Variants in LRSAM1 observed in about 807,000 individuals in gnomAD.
The protein encoded by LRSAM1 is leucine rich repeat and sterile alpha motif containing 1, also known as E3 ubiquitin-protein ligase LRSAM1.
A neutral mutation model predicts 118.1 loss-of-function variants in LRSAM1; 96 were observed. The observed-to-expected ratio is 0.81, with a 90% CI of 0.69 to 0.96. The LOEUF (loss-of-function observed/expected upper bound fraction) is 0.96, where lower values mean the gene tolerates loss of function less well. Ranked by LOEUF, LRSAM1 falls within the 40% of genes least tolerant of loss-of-function variation. The pLI is 0.00. For synonymous variants in LRSAM1, 322 were observed against 364.2 expected (o/e 0.88, Z 1.32); for missense variants, 804 against 915.5 (o/e 0.88, Z 1.57).
In LRSAM1 at chr9:127,495,958, T is replaced by C; in HGVS notation, c.1699-6T>C. ...CCTGCTCATGGTACACGTTTCTGTC[T>C]TGCAGGAAGAGGGGATGGAGCGCCA... On this transcript the variant is annotated splice_region_variant and splice_polypyrimidine_tract_variant and intron_variant, in intron 22 of 25. Transcript: ENST00000300417. The C allele has an allele frequency of 6.2e-7, 1 of 1,612,614 alleles. No homozygotes were observed. Among genetic ancestry groups the C allele is most frequent in the Non-Finnish European group, 8.5e-7 (1 of 1,179,896 alleles).
chr9:127,478,872 C>T, intron 11 of LRSAM1, 62 bp from the exon 12 acceptor site: 9 of 1,559,640 alleles, frequency 5.8e-6, no homozygotes, highest in Non-Finnish European at 8.0e-6. Flanking sequence ...GTTCCTGGTG[C>T]CCATGCCAGG....
In LRSAM1 at chr9:127,483,009, G is replaced by A. The variant is rs1588124019; in HGVS notation, c.1148G>A (p.Arg383His). The part of the protein sequence containing the change: ...TQEETESLRR[R>H]DVASAMQQML... The stretch of plus-strand genomic sequence containing the variant: ...GAGGAGACTGAGAGCCTGCGGCGAC[G>A]TGACGTTGCCTGTGAGTTTTGGGAT... Residue 383 changes from arginine to histidine, a missense_variant, in exon 16 of 26, where the codon CGT becomes CAT. Transcript: ENST00000300417. The A allele has an allele frequency of 1.2e-5, 19 of 1,601,386 alleles. No individual in the cohort carries two copies. The highest frequency in any genetic ancestry group is 1.7e-5 in the Admixed American group (1 of 57,516).
chr9:127,451,779 G>T (rs886063451), intron 1 of LRSAM1, 110 bp downstream of exon 1: 4 of 177,042 alleles, frequency 2.3e-5, no homozygotes, highest in Non-Finnish European at 4.8e-5. Context: ...CTGCTCCCTC[G>T]AGCACTTGTT....
At chr9:127,475,568 AC>A (rs1238861485) in intron 11 of LRSAM1, among the ~76,000 whole-genome samples, 1 of 152,138 alleles carries the variant, frequency 6.6e-6, no homozygotes, top group Non-Finnish European at 1.5e-5. Flanking sequence ...TTAAGTTAAA[AC>A]AACATTGAAA....
rs144106850 is a variant in LRSAM1 at position 127,497,390 on chromosome 9, C to G, written c.1912+56C>G. On this transcript the variant is annotated intron_variant, in intron 24 of 25. Transcript: ENST00000300417. ...AGGGCTCCAGCCGTATGTGTGGGCT[C>G]TGGTGGGGACAGTCATTTGCTTACA... 1.9e-4 allele frequency: 296 copies of G among 1,519,600 alleles called. No individual in the cohort carries two copies. The African/African-American group carries it at 3.7e-3, about 19-fold the overall frequency. 94.1% of individuals were successfully genotyped at this position (1,519,600 alleles called of 1,614,324 possible).
At chr9:127,497,655 G>C (rs1018889925) in intron 24 of LRSAM1, among the ~76,000 whole-genome samples, 1 of 152,232 alleles carries the variant, frequency 6.6e-6, no homozygotes, top group African/African-American at 2.4e-5. Flanking sequence ...CTTTGGACTA[G>C]AGGGAGAAAT....
At chr9:127,451,488 A>T, upstream of LRSAM1, 1 of 748,896 alleles carries the variant, frequency 1.3e-6, no homozygotes, top group Non-Finnish European at 2.1e-6. Flanking sequence ...GGCCTTCCAG[A>T]GACGCCCTTG....
In LRSAM1 at chr9:127,497,681, C is replaced by T. The variant is rs150782277; in HGVS notation, c.1912+347C>T. 8.1e-4 allele frequency among the ~76,000 whole-genome samples: 123 copies of T among 152,342 alleles called. 1 individual carries two copies. The highest frequency in any genetic ancestry group is 2.9e-3 in the African/African-American group (120 of 41,582). On this transcript the variant is annotated intron_variant, in intron 24 of 25. Coordinates refer to ENST00000300417, the MANE Select transcript of LRSAM1 (RefSeq NM_001005373.4). ...AGGGAGAAATAGCCCGTCCCCAGGG[C>T]CTGCAGTATACCCAATGCTGGGCCT...
intron 11 of LRSAM1, among the ~76,000 whole-genome samples, chr9:127,475,073 T>G (rs1426052355): frequency 6.6e-6 from 1 of 151,590 alleles, no homozygotes; most frequent in Admixed American, 6.6e-5. Context: ...TTATTATTAT[T>G]TTATAGTTCA....
chr9:127,484,285 C>CTTTTTTTT (rs1301004172), intron 16 of LRSAM1, among the ~76,000 whole-genome samples: 9 of 141,824 alleles, frequency 6.3e-5, no homozygotes, highest in African/African-American at 1.0e-4. Context: ...TTTTTTCCTG[C>CTTTTTTTT]TTCTTTATTT....
chr9:127,499,141 C>G (rs149780482), intron 24 of LRSAM1, among the ~76,000 whole-genome samples: 1 of 151,252 alleles, frequency 6.6e-6, no homozygotes, highest in East Asian at 2.0e-4. Context: ...GGGAGGCCTA[C>G]GTGGGAGGAT....
At chr9:127,491,428 C>A in intron 20 of LRSAM1, 133 bp downstream of exon 20, 1 of 734,842 alleles carries the variant, frequency 1.4e-6, no homozygotes, top group Non-Finnish European at 2.4e-6. Flanking sequence ...GGGCAGAGCT[C>A]CTCTGTGGCT....
At chr9:127,492,978 T>G in intron 21 of LRSAM1, 81 bp downstream of exon 21, 1 of 1,133,128 alleles carries the variant, frequency 8.8e-7, no homozygotes, top group Non-Finnish European at 1.3e-6. Flanking sequence ...GAAACACCTG[T>G]TATTCAAGTA....
intron 10 of LRSAM1, among the ~76,000 whole-genome samples, chr9:127,469,835 G>A (rs139894120): frequency 6.6e-6 from 1 of 152,166 alleles, no homozygotes; most frequent in Admixed American, 6.5e-5. Flanking sequence ...CGTGGTGGCG[G>A]GCGCCTGTAG....
At chr9:127,480,163 A>G (rs1021370376) in intron 14 of LRSAM1, among the ~76,000 whole-genome samples, 185 bp downstream of exon 14, 1 of 152,178 alleles carries the variant, frequency 6.6e-6, no homozygotes, top group African/African-American at 2.4e-5. Context: ...CAGTCATTAC[A>G]AAGTCTGGTT....
chr9:127,453,952 G>A (rs889809642), intron 2 of LRSAM1: 10 of 167,910 alleles, frequency 6.0e-5, no homozygotes, highest in South Asian at 2.4e-4. Flanking sequence ...CTAGGAAGAC[G>A]CAGTCCCTGG....
chr9:127,460,291 C>G lies in LRSAM1; in HGVS notation c.322-882C>G, dbSNP rs184372885. The stretch of plus-strand genomic sequence containing the variant: ...GGGATTACAGGTGTTAGCCACCGTG[C>G]CTGGCCCCCATTGCATCTATTTTTA... On this transcript the variant is annotated intron_variant, in intron 7 of 25. Transcript: ENST00000300417. Among the ~76,000 whole-genome samples, 4 of 152,316 alleles carry G rather than the reference C, an allele frequency of 2.6e-5. No individual in the cohort carries two copies. In the East Asian group the frequency reaches 5.8e-4, roughly 22 times the overall value.
In LRSAM1 at chr9:127,461,236, C is replaced by T. The variant is rs1293422269; in HGVS notation, c.385C>T (p.Leu129Phe). Residue 129 changes from leucine (L) to phenylalanine (F), a missense_variant, in exon 8 of 26, where the codon CTC (leucine) becomes TTC (phenylalanine). By Grantham distance (22) the Leu-to-Phe change is conservative. Transcript: ENST00000300417. Reference sequence around the variant, plus strand: ...ACGTTCCATTGGGAACCTGACCCAGCTCCAGACTCTCAATGTTAAAGGTAG... The same window carrying T: ...ACGTTCCATTGGGAACCTGACCCAGTTCCAGACTCTCAATGTTAAAGGTAG... The part of the protein sequence containing the change: ...LPRSIGNLTQ[L>F]QTLNVKDNKL... The T allele has an allele frequency of 6.2e-7, 1 of 1,612,004 alleles. No homozygotes were observed. Among genetic ancestry groups the T allele is most frequent in the South Asian group, 1.1e-5 (1 of 91,066 alleles).
chr9:127,483,433 C>G (rs868152000), intron 16 of LRSAM1, among the ~76,000 whole-genome samples: 1 of 150,706 alleles, frequency 6.6e-6, no homozygotes, highest in African/African-American at 2.4e-5. Flanking sequence ...GGTAATACAG[C>G]GAGACCATTT....
Sources: allele counts gnomAD v4.1 joint callset (sites outside exome capture counted in the v4.1 genomes callset), GRCh38; gene constraint gnomAD v4.1.1; transcripts MANE v1.5; gene names NCBI Gene and HGNC (gene_info 2026-07-23, HGNC 2026-07-21).